Variants in FAM135B observed in about 807,000 individuals in gnomAD.
FAM135B encodes family with sequence similarity 135 member B, also known as protein FAM135B.
Under a neutral mutation model 127.7 loss-of-function variants are expected in FAM135B, and 43 were observed. The observed-to-expected ratio is 0.34, with a 90% confidence interval of 0.26 to 0.43. The LOEUF (loss-of-function observed/expected upper bound fraction) is 0.43, where lower values mean the gene tolerates loss of function less well. Among genes scored for constraint, FAM135B ranks in the 20% least tolerant of loss-of-function variants. The pLI is 1.00. For missense variants in FAM135B, 1,558 were observed against 1,725.6 expected, an observed-to-expected ratio of 0.90 and a Z score of 1.72; for synonymous variants, 670 against 665.1, an observed-to-expected ratio of 1.01 and a Z score of -0.11.
At chr8:138,484,631 C>T (rs1454435279) in intron 1 of FAM135B, among the ~76,000 whole-genome samples, 3 of 152,136 alleles carry the variant, frequency 2.0e-5, no homozygotes, top group Non-Finnish European at 2.9e-5. Context: ...CTTCCTTTTC[C>T]TCTCACGCAC....
rs74599018 is a variant in FAM135B, at chr8:138,272,763, G to T, written c.158-6921C>A. Among the ~76,000 whole-genome samples the T allele has an allele frequency of 2.6e-5, 4 of 152,102 alleles. No homozygotes were observed. The South Asian group carries it at 6.2e-4, about 24-fold the overall frequency. ...GAAACCCACTGGATTTCCTTCGATT[G>T]GTCATAACTGCTGAGTGGTCTCAGG... On this transcript the variant is annotated intron_variant, in intron 3 of 19. Coordinates refer to ENST00000395297, the MANE Select transcript of FAM135B (RefSeq NM_015912.4).
At chr8:138,158,215 A>C (rs1818964794) in intron 12 of FAM135B, among the ~76,000 whole-genome samples, 1 of 152,194 alleles carries the variant, frequency 6.6e-6, no homozygotes, top group African/African-American at 2.4e-5. Context: ...TCCCTTTTTA[A>C]ATAAATGGTG....
chr8:138,175,370 C>T (rs919117910), intron 11 of FAM135B, among the ~76,000 whole-genome samples: 6 of 151,840 alleles, frequency 4.0e-5, no homozygotes, highest in Non-Finnish European at 8.8e-5. Flanking sequence ...TTTATGACAA[C>T]TATTCTGTCT....
At chr8:138,245,125 G>A (rs1821176431) in intron 6 of FAM135B, among the ~76,000 whole-genome samples, 1 of 152,134 alleles carries the variant, frequency 6.6e-6, no homozygotes, top group South Asian at 2.1e-4. Context: ...CAACCCTGAA[G>A]AAGTCTAGCC....
At chr8:138,182,218 T>C (rs568823367) in intron 9 of FAM135B, among the ~76,000 whole-genome samples, 7 of 152,360 alleles carry the variant, frequency 4.6e-5, no homozygotes, top group East Asian at 3.9e-4. Context: ...AAGTTGATTA[T>C]AGAAATGGCT....
At chr8:138,208,384 G>C (rs1033122051) in intron 7 of FAM135B, among the ~76,000 whole-genome samples, 2 of 152,170 alleles carry the variant, frequency 1.3e-5, no homozygotes, top group Non-Finnish European at 2.9e-5. Context: ...GAATTATGTG[G>C]CTGAAAATCA....
At chr8:138,359,661 GA>G (rs1197146807) in intron 2 of FAM135B, among the ~76,000 whole-genome samples, 1 of 152,142 alleles carries the variant, frequency 6.6e-6, no homozygotes, top group Non-Finnish European at 1.5e-5. Flanking sequence ...GAGAAGTGGG[GA>G]AAAAAGATTG....
chr8:138,235,507 G>C (rs1820205581), intron 7 of FAM135B, among the ~76,000 whole-genome samples: 1 of 152,130 alleles, frequency 6.6e-6, no homozygotes, highest in Non-Finnish European at 1.5e-5. Flanking sequence ...AGAATATGAG[G>C]GTGTTCACAG....
intron 1 of FAM135B, chr8:138,440,433 A>G (rs925705754): frequency 3.0e-5 from 4 of 135,184 alleles, no homozygotes; most frequent in Non-Finnish European, 6.1e-5. Flanking sequence ...TGGGCTTTAT[A>G]TTTAACAGAT....
intron 10 of FAM135B, 82 bp downstream of exon 10, chr8:138,178,453 T>C (rs2130977221): frequency 6.5e-7 from 1 of 1,527,298 alleles, no homozygotes; most frequent in South Asian, 1.2e-5. Flanking sequence ...CCAATCCTAA[T>C]GCTTGATCTA....
chr8:138,157,107 T>C (rs966860952), intron 12 of FAM135B, among the ~76,000 whole-genome samples: 1 of 152,232 alleles, frequency 6.6e-6, no homozygotes, highest in Non-Finnish European at 1.5e-5. Context: ...CACGATCAAG[T>C]TGGCTTCATC....
At chr8:138,486,047 C>T (rs925836298) in intron 1 of FAM135B, among the ~76,000 whole-genome samples, 1 of 151,892 alleles carries the variant, frequency 6.6e-6, no homozygotes, top group African/African-American at 2.4e-5. Context: ...CTTCAGGTAC[C>T]AAAATGATCA....
intron 12 of FAM135B, among the ~76,000 whole-genome samples, chr8:138,156,091 A>T (rs987901626): frequency 6.6e-6 from 1 of 152,210 alleles, no homozygotes; most frequent in Non-Finnish European, 1.5e-5. Flanking sequence ...ATTATAACAA[A>T]CTGTCTCTCA....
chr8:138,466,246 C>T (rs1837375209), intron 1 of FAM135B, among the ~76,000 whole-genome samples: 1 of 152,162 alleles, frequency 6.6e-6, no homozygotes, highest in South Asian at 2.1e-4. Context: ...CTCTTGACTC[C>T]TCTTGTCTGG....
At chr8:138,442,237 C>CAT (rs759993575) in intron 1 of FAM135B, among the ~76,000 whole-genome samples, 1,953 of 51,660 alleles carry the variant, frequency 0.038, 99 homozygotes, top group Middle Eastern at 0.086. Flanking sequence ...ATATGGACAC[C>CAT]ATATATATAT....
intron 1 of FAM135B, among the ~76,000 whole-genome samples, chr8:138,425,962 A>AACATATATAT (rs1834819619): frequency 2.7e-5 from 1 of 36,864 alleles, no homozygotes; most frequent in East Asian, 7.0e-4. Context: ...CAGCCAGGCC[A>AACATATATAT]ACATATATAT....
chr8:138,200,281 CCTGT>C (rs1817004757), intron 7 of FAM135B, among the ~76,000 whole-genome samples: 1 of 152,200 alleles, frequency 6.6e-6, no homozygotes, highest in South Asian at 2.1e-4. Context: ...AACCAACTGC[CCTGT>C]CTGTGCTCAC....
chr8:138,426,821 T>C (rs577159383), intron 1 of FAM135B, among the ~76,000 whole-genome samples: 15 of 152,106 alleles, frequency 9.9e-5, no homozygotes, highest in African/African-American at 3.1e-4. Context: ...TATTTAAAAA[T>C]TTTTTACATG....
Position 138,151,601 on chromosome 8 carries a change from A to G in FAM135B, c.2874T>C (p.Gly958=), listed in dbSNP as rs1396601095. The change falls in exon 13 of 20, where the codon GGT becomes GGC. Residue 958 remains glycine (G), a synonymous_variant. Coordinates refer to ENST00000395297, the MANE Select transcript of FAM135B (RefSeq NM_015912.4). The part of the protein sequence containing the change: ...RNSTGQQSQS[G]SPCIMDDTAF... Reference sequence around the variant, plus strand: ...CTGTGTCATCCATAATGCAAGGTGAACCGCTTTGGCTTTGCTGGCCTGTTG... The same window carrying G: ...CTGTGTCATCCATAATGCAAGGTGAGCCGCTTTGGCTTTGCTGGCCTGTTG... The G allele has an allele frequency of 6.2e-7, 1 of 1,614,152 alleles. No homozygotes were observed. The highest frequency in any genetic ancestry group is 1.7e-5 in the Admixed American group (1 of 60,026).
Sources: allele counts gnomAD v4.1 joint callset (sites outside exome capture counted in the v4.1 genomes callset), GRCh38; gene constraint gnomAD v4.1.1; transcripts MANE v1.5; gene names NCBI Gene and HGNC (gene_info 2026-07-23, HGNC 2026-07-21).